Variants in PRCD observed in about 807,000 individuals in gnomAD.
The protein encoded by PRCD is photoreceptor disk component PRCD.
Under a neutral mutation model 10.1 loss-of-function variants are expected in PRCD, and 12 were observed. The ratio of observed to expected loss-of-function variants is 1.18; its 90% confidence interval spans 0.76 to 1.92. PRCD has a LOEUF of 1.92. Among genes scored for constraint, PRCD ranks in the 40% most tolerant of loss-of-function variants. PRCD has a pLI of 0.00. For synonymous variants in PRCD, 31 were observed against 26.2 expected, an observed-to-expected ratio of 1.18 and a Z score of -0.56; for missense variants, 61 against 72.2, an observed-to-expected ratio of 0.84 and a Z score of 0.56.
At chr17:76,537,464 C>T, upstream of PRCD, 1 of 1,597,460 alleles carries the variant, frequency 6.3e-7, no homozygotes, top group South Asian at 1.1e-5. Context: ...ATAGCCTGCA[C>T]CGCCTTCCTC....
downstream of PRCD, among the ~76,000 whole-genome samples, chr17:76,547,768 A>C (rs867720987): frequency 5.9e-5 from 9 of 151,414 alleles, no homozygotes; most frequent in African/African-American, 1.9e-4. Flanking sequence ...TACCTATACA[A>C]ACATATAATA....
At chr17:76,543,756 G>A (rs773905784) in intron 4 of PRCD, 47 bp from the exon 5 acceptor site, 40 of 469,826 alleles carry the variant, frequency 8.5e-5, no homozygotes, top group South Asian at 5.7e-4. Context: ...TGCTGGTGTC[G>A]GTTTGCCACA....
Position 76,540,718 on chromosome 17 carries a change from C to G in PRCD, c.143+145C>G. 1.2e-6 allele frequency: 1 copy of G among 800,284 alleles called. No homozygotes were observed. Among genetic ancestry groups the G allele is most frequent in the Non-Finnish European group, 2.1e-6 (1 of 474,338 alleles). The allele number at this position is 800,284 out of a possible 1,614,324, so 49.6% of individuals were successfully genotyped here. ...TGCCCTAAGCACCCTGCTCCCTGTC[C>G]GCCTGCTGGGCAGGCTGGATGTCTG... On this transcript the variant is annotated intron_variant, in intron 2 of 4. Coordinates refer to ENST00000592014, the MANE Select transcript of PRCD (RefSeq NM_001077620.3). The surrounding 1 kb of genome is among the most constrained non-coding windows in gnomAD (Gnocchi z 5.0).
At chr17:76,551,690 CTA>C (rs1215538552) in intron 1 of PRCD, 8 of 152,104 alleles carry the variant, frequency 5.3e-5, no homozygotes, top group African/African-American at 1.2e-4. Context: ...AAAAAATCCT[CTA>C]TATTTTCATG....
Position 76,528,537 on chromosome 17 carries a change from T to C in PRCD, n.45+704T>C. The C allele has an allele frequency of 7.8e-7, 1 of 1,277,286 alleles. No homozygotes were observed. Among genetic ancestry groups the C allele is most frequent in the Non-Finnish European group, 1.0e-6 (1 of 1,001,500 alleles). The allele number at this position is 1,277,286 out of a possible 1,614,324, so 79.1% of individuals were successfully genotyped here. On this transcript the variant is annotated intron_variant and non_coding_transcript_variant, in intron 1 of 4. Transcript: ENST00000397633. The surrounding 1 kb of genome is among the most constrained non-coding windows in gnomAD (Gnocchi z 5.8). ...GGAGGGTCTTCAGAACTCGGCCTTC[T>C]GCTCGAGGTGCTGCCAGGGAGGGGG...
downstream of PRCD, chr17:76,547,404 G>C (rs4647882): frequency 7.8e-3 from 1,198 of 152,958 alleles, 11 homozygotes; most frequent in Non-Finnish European, 0.012. Context: ...TGTTTTTGCA[G>C]GGGGAGGGTG....
rs1323693595 is a variant in PRCD, at chr17:76,530,892, C to T, written n.45+3059C>T. Reference sequence around the variant, plus strand: ...GTGTGCCTGCCCAGGTGATCAGCCCCAGGGCCTCAGGAGATATGGGAGACC... The same window carrying T: ...GTGTGCCTGCCCAGGTGATCAGCCCTAGGGCCTCAGGAGATATGGGAGACC... On this transcript the variant is annotated intron_variant and non_coding_transcript_variant, in intron 1 of 4. Coordinates refer to the PRCD transcript ENST00000397633. The surrounding 1 kb of genome is among the most constrained non-coding windows in gnomAD (Gnocchi z 6.1). The T allele has an allele frequency of 4.2e-6, 6 of 1,433,584 alleles. No individual in the cohort carries two copies. The East Asian group carries it at 1.0e-4, about 24-fold the overall frequency. The allele number at this position is 1,433,584 out of a possible 1,614,324, so 88.8% of individuals were successfully genotyped here. A position where few individuals can be genotyped will look rare whatever the true frequency, so the allele number is the denominator to read the frequency against.
At chr17:76,527,746 G>A (rs781156602), upstream of PRCD, 11 of 453,892 alleles carry the variant, frequency 2.4e-5, no homozygotes, top group Admixed American at 4.7e-5. Flanking sequence ...TGGAGCTAGC[G>A]GTCGAGGTTT....
chr17:76,540,258 G>GGGGGGCAT lies in PRCD; in HGVS notation c.74+48_74+55dup. 1 of 1,100,860 alleles carries GGGGGGCAT rather than the reference G, an allele frequency of 9.1e-7. No individual in the cohort carries two copies. Among genetic ancestry groups the GGGGGGCAT allele is most frequent in the Non-Finnish European group, 1.4e-6 (1 of 739,878 alleles). The allele number at this position is 1,100,860 out of a possible 1,614,324, so 68.2% of individuals were successfully genotyped here. On this transcript the variant is annotated intron_variant, in intron 1 of 4. Coordinates refer to ENST00000592014, the MANE Select transcript of PRCD (RefSeq NM_001077620.3). The surrounding 1 kb of genome is among the most constrained non-coding windows in gnomAD (Gnocchi z 5.0). The stretch of plus-strand genomic sequence containing the variant: ...CTATGGCTGGCGGTTGGTCGGGGGG[G>GGGGGGCAT]GGGGGCATGGGGCTGGGCTGCCACC...
upstream of PRCD, chr17:76,538,555 G>A: frequency 2.2e-6 from 1 of 463,280 alleles, no homozygotes; most frequent in Non-Finnish European, 4.5e-6. Context: ...GGTGGCGGAG[G>A]AAGTCCAGAG....
chr17:76,534,146 T>TTCTCTTTCTCTCTCTCTCTCTCTCTC (rs2074886102), intron 1 of PRCD, among the ~76,000 whole-genome samples: 1 of 128,900 alleles, frequency 7.8e-6, no homozygotes, highest in Non-Finnish European at 1.7e-5. Flanking sequence ...CTCTTTCTCT[T>TTCTCTTTCTCTCTCTCTCTCTCTCTC]TCTCTCTCTC....
rs1480356073 is a variant in PRCD, at chr17:76,528,635, G to A, written n.45+802G>A. 2.4e-6 allele frequency: 3 copies of A among 1,271,516 alleles called. No homozygotes were observed. The highest frequency in any genetic ancestry group is 3.0e-6 in the Non-Finnish European group (3 of 1,000,170). The allele number at this position is 1,271,516 out of a possible 1,614,324, so 78.8% of individuals were successfully genotyped here. A position where few individuals can be genotyped will look rare whatever the true frequency, so the allele number is the denominator to read the frequency against. On this transcript the variant is annotated intron_variant and non_coding_transcript_variant, in intron 1 of 4. Coordinates refer to the PRCD transcript ENST00000397633. This position sits in a 1 kb window ranked among gnomAD's most constrained non-coding sequence, Gnocchi z 5.8. Reference sequence around the variant, plus strand: ...GGCTGTGGACGAGATAGGAAGGGAAGGACAAACGTTACCAGAGGCAGGGAA... The same window carrying A: ...GGCTGTGGACGAGATAGGAAGGGAAAGACAAACGTTACCAGAGGCAGGGAA...
At chr17:76,529,778 C>G (rs906308542) in intron 1 of PRCD, 9 of 985,336 alleles carry the variant, frequency 9.1e-6, no homozygotes, top group Non-Finnish European at 1.1e-5. Flanking sequence ...CTCTGGTGGG[C>G]CAACATCTGC....
Position 76,531,124 on chromosome 17 carries a change from G to T in PRCD, n.45+3291G>T. On this transcript the variant is annotated intron_variant and non_coding_transcript_variant, in intron 1 of 4. Coordinates refer to the PRCD transcript ENST00000397633. The surrounding 1 kb of genome is among the most constrained non-coding windows in gnomAD (Gnocchi z 7.4). The stretch of plus-strand genomic sequence containing the variant: ...GCAAATTCCTCGGCGACCACCTCCA[G>T]AATGACCCCAGAGAGGATCTGGGGG... 6.2e-7 allele frequency: 1 copy of T among 1,613,774 alleles called. No homozygotes were observed. Among genetic ancestry groups the T allele is most frequent in the Non-Finnish European group, 8.5e-7 (1 of 1,179,916 alleles).
intron 1 of PRCD, chr17:76,529,767 C>T (rs766037548): frequency 1.9e-5 from 19 of 985,242 alleles, no homozygotes; most frequent in Non-Finnish European, 8.4e-6. Context: ...CCAGTGCCCT[C>T]CTCTGGTGGG....
rs372700920 is a variant in PRCD, at chr17:76,544,498, C to T, written c.*848C>T. 7.9e-5 allele frequency: 36 copies of T among 456,196 alleles called. No individual in the cohort carries two copies. The East Asian group carries it at 1.6e-3, about 20-fold the overall frequency. 28.3% of individuals were successfully genotyped at this position (456,196 alleles called of 1,614,324 possible). ...GGCTGGGGTGTGTGCGAAGGCAGTT[C>T]TGTGGGAGCCTCTCAAAGTAGGGCA... On this transcript the variant is annotated 3_prime_UTR_variant, in exon 5 of 5. Transcript: ENST00000592014.
rs746223894 is a variant in PRCD, at chr17:76,540,244, G to A, written c.74+29G>A. ...AGAAACTGACCGGGCTATGGCTGGC[G>A]GTTGGTCGGGGGGGGGGGGCATGGG... is the stretch of plus-strand genomic sequence containing the variant. On this transcript the variant is annotated intron_variant, in intron 1 of 4. Transcript: ENST00000592014. This position sits in a 1 kb window ranked among gnomAD's most constrained non-coding sequence, Gnocchi z 5.0. 98 of 1,437,460 alleles carry A rather than the reference G, an allele frequency of 6.8e-5. 1 individual carries two copies. The highest frequency in any genetic ancestry group is 1.1e-4 in the South Asian group (9 of 79,688). 89.0% of individuals were successfully genotyped at this position (1,437,460 alleles called of 1,614,324 possible).
Position 76,528,373 on chromosome 17 carries a change from G to A in PRCD, n.45+540G>A, listed in dbSNP as rs762947995. On this transcript the variant is annotated intron_variant and non_coding_transcript_variant, in intron 1 of 4. Coordinates refer to the PRCD transcript ENST00000397633. The surrounding 1 kb of genome is among the most constrained non-coding windows in gnomAD (Gnocchi z 5.8). ...GAGTGGGCCCCGCTCTGCCCGCCGCGCTGGGGTCAGCATCCAGGCAGCCAG... is the reference window on the plus strand; with the variant it reads ...GAGTGGGCCCCGCTCTGCCCGCCGCACTGGGGTCAGCATCCAGGCAGCCAG... The A allele has an allele frequency of 1.0e-4, 43 of 425,956 alleles. No homozygotes were observed. Among genetic ancestry groups the A allele is most frequent in the Non-Finnish European group, 1.4e-4 (34 of 247,644 alleles). The allele number at this position is 425,956 out of a possible 1,614,324, so 26.4% of individuals were successfully genotyped here.
At position 76,544,577 on chromosome 17, in the gene PRCD, C is replaced by T. The variant is rs1326931030; in HGVS notation, c.*927C>T. 1.8e-5 allele frequency: 8 copies of T among 456,582 alleles called. No homozygotes were observed. Among genetic ancestry groups the T allele is most frequent in the Non-Finnish European group, 3.1e-5 (7 of 226,974 alleles). 28.3% of individuals were successfully genotyped at this position (456,582 alleles called of 1,614,324 possible). ...GGGAAGGAGCCTGCAGAGGCAAAGC[C>T]AGAGCGCCAGCCTGACCCAGGCCGT... is the stretch of plus-strand genomic sequence containing the variant. On this transcript the variant is annotated 3_prime_UTR_variant, in exon 5 of 5. Coordinates refer to ENST00000592014, the MANE Select transcript of PRCD (RefSeq NM_001077620.3).
Sources: gnomAD v4.1 joint callset for allele counts (sites outside exome capture counted in the v4.1 genomes callset) on GRCh38, gnomAD v4.1.1 for gene constraint, Gnocchi (gnomAD v3.1) non-coding constraint, MANE v1.5 for transcripts, NCBI Gene and HGNC (gene_info 2026-07-23, HGNC 2026-07-21) for gene names.